Variants in STAB2 observed in about 807,000 individuals in gnomAD.
STAB2 encodes the protein stabilin 2.
In STAB2, 288 loss-of-function variants were observed where a neutral mutation model predicts 338.1. The ratio of observed to expected loss-of-function variants is 0.85; its 90% confidence interval spans 0.77 to 0.94. STAB2 has a LOEUF of 0.94. Among genes scored for constraint, STAB2 ranks in the 40% least tolerant of loss-of-function variants. The probability of loss-of-function intolerance (pLI) is 0.00; values close to 1 mark genes in which losing one functional copy is unlikely to be tolerated. For missense variants in STAB2, 3,141 were observed against 3,210.1 expected (o/e 0.98, Z 0.52); for synonymous variants, 1,202 against 1,193.3 (o/e 1.01, Z -0.15).
At chr12:103,609,343 C>T (rs1471157525) in intron 3 of STAB2, among the ~76,000 whole-genome samples, 8 of 151,988 alleles carry the variant, frequency 5.3e-5, no homozygotes, top group East Asian at 3.9e-4. Context: ...TCCATTTGTT[C>T]GTATCCTCTT....
At position 103,744,219 on chromosome 12, in the gene STAB2, C is replaced by T. The variant is rs143450690; in HGVS notation, c.6032-954C>T. 7.6e-3 allele frequency among the ~76,000 whole-genome samples: 1,161 copies of T among 152,174 alleles called. 14 individuals carry two copies. Among genetic ancestry groups the T allele is most frequent in the African/African-American group, 0.027 (1,113 of 41,512 alleles). Reference sequence around the variant, plus strand: ...AATACAGTGGCGGGATTATGGCTCACTGCAGCCTCAACCTCCTGGGCTCAA... The same window carrying T: ...AATACAGTGGCGGGATTATGGCTCATTGCAGCCTCAACCTCCTGGGCTCAA... On this transcript the variant is annotated intron_variant, in intron 56 of 68. Transcript: ENST00000388887.
chr12:103,677,743 G>C, intron 25 of STAB2, 132 bp downstream of exon 25: 1 of 1,139,802 alleles, frequency 8.8e-7, no homozygotes, highest in Non-Finnish European at 1.2e-6. Context: ...AGTGAACATG[G>C]GTTCATTGCC....
Position 103,742,151 on chromosome 12 carries a change from T to C in STAB2, c.5882-254T>C, listed in dbSNP as rs144276544. 3.6e-3 allele frequency among the ~76,000 whole-genome samples: 544 copies of C among 152,292 alleles called. 4 individuals carry two copies. Among genetic ancestry groups the C allele is most frequent in the African/African-American group, 0.013 (522 of 41,548 alleles). The stretch of plus-strand genomic sequence containing the variant: ...GAGCAAGTTCATTACTCAACCCAGA[T>C]ATCCTCAAATCCAGTGCACAAACCC... On this transcript the variant is annotated intron_variant, in intron 55 of 68. Coordinates refer to ENST00000388887, the MANE Select transcript of STAB2 (RefSeq NM_017564.10).
intron 16 of STAB2, 96 bp downstream of exon 16, chr12:103,660,480 T>C (rs1255935857): frequency 2.1e-6 from 3 of 1,454,396 alleles, no homozygotes; most frequent in African/African-American, 1.4e-5. Context: ...AAATGTCCTT[T>C]ATCTGTAGCT....
chr12:103,595,118 T>C (rs11836449), intron 3 of STAB2, among the ~76,000 whole-genome samples: 10,516 of 152,262 alleles, frequency 0.069, 387 homozygotes, highest in Non-Finnish European at 0.081. Flanking sequence ...CAATCAAGCA[T>C]AGCATTTGAT....
At position 103,728,699 on chromosome 12, in the gene STAB2, C is replaced by T. The variant is rs549456796; in HGVS notation, c.4936-150C>T. On this transcript the variant is annotated intron_variant, in intron 47 of 68. Transcript: ENST00000388887. Reference sequence around the variant, plus strand: ...TCCTCCCTTTTGTCTGAACAGCCTCCACTCTATAATCCTGACCACAAAGCT... The same window carrying T: ...TCCTCCCTTTTGTCTGAACAGCCTCTACTCTATAATCCTGACCACAAAGCT... The T allele has an allele frequency of 6.9e-5, 64 of 922,288 alleles. No homozygotes were observed. The African/African-American group carries it at 1.0e-3, about 15-fold the overall frequency. The allele number at this position is 922,288 out of a possible 1,614,324, so 57.1% of individuals were successfully genotyped here.
chr12:103,619,100 T>C (rs1455050935), intron 3 of STAB2, among the ~76,000 whole-genome samples: 2 of 152,250 alleles, frequency 1.3e-5, no homozygotes, highest in Non-Finnish European at 2.9e-5. Context: ...TAAATCTCTT[T>C]CCTTTTTAAA....
intron 55 of STAB2, among the ~76,000 whole-genome samples, 153 bp from the exon 56 acceptor site, chr12:103,742,252 A>C (rs963557055): frequency 6.6e-6 from 1 of 152,206 alleles, no homozygotes; most frequent in Non-Finnish European, 1.5e-5. Context: ...TTCATGTCCC[A>C]TAGGCCAGTG....
At chr12:103,651,913 C>A (rs1189083547) in intron 11 of STAB2, among the ~76,000 whole-genome samples, 1 of 152,208 alleles carries the variant, frequency 6.6e-6, no homozygotes, top group East Asian at 1.9e-4. Context: ...ATATTCATCT[C>A]TCTATTGTTC....
At chr12:103,713,018 G>A (rs1045511485) in intron 41 of STAB2, among the ~76,000 whole-genome samples, 3 of 152,108 alleles carry the variant, frequency 2.0e-5, no homozygotes, top group Non-Finnish European at 2.9e-5. Context: ...GAAAACTCAG[G>A]TCAACTTAGA....
intron 47 of STAB2, 149 bp from the exon 48 acceptor site, chr12:103,728,700 A>T: frequency 2.1e-6 from 2 of 939,256 alleles, no homozygotes; most frequent in Non-Finnish European, 3.2e-6. Flanking sequence ...AACAGCCTCC[A>T]CTCTATAATC....
chr12:103,663,478 G>A (rs1256182713), intron 18 of STAB2, among the ~76,000 whole-genome samples: 1 of 152,088 alleles, frequency 6.6e-6, no homozygotes, highest in Non-Finnish European at 1.5e-5. Context: ...GTCTGGAAAT[G>A]ACAGGTGCAC....
chr12:103,627,022 G>T (rs918278037), intron 5 of STAB2, among the ~76,000 whole-genome samples: 3 of 152,226 alleles, frequency 2.0e-5, no homozygotes, highest in African/African-American at 7.2e-5. Flanking sequence ...GGCACCTGCT[G>T]TGTGTCAGAC....
intron 35 of STAB2, 102 bp from the exon 36 acceptor site, chr12:103,704,456 G>T: frequency 8.7e-7 from 1 of 1,151,200 alleles, no homozygotes; most frequent in African/African-American, 1.5e-5. Context: ...CAGATAATCT[G>T]CCTTGATTTT....
intron 18 of STAB2, among the ~76,000 whole-genome samples, chr12:103,663,888 G>C (rs555388313): frequency 1.3e-5 from 2 of 152,310 alleles, no homozygotes; most frequent in South Asian, 4.2e-4. Flanking sequence ...TCAGTCTCCT[G>C]CCTCTTCCTT....
At position 103,692,877 on chromosome 12, in the gene STAB2, C is replaced by T; in HGVS notation, c.3363C>T (p.His1121=). ...ACGCAGCCACAAATGGAGTGATACACATCATCAACAAGGTACAAGATTCCA... is the reference window on the plus strand; with the variant it reads ...ACGCAGCCACAAATGGAGTGATACATATCATCAACAAGGTACAAGATTCCA... ...GDNAATNGVI[H]IINKVLVPQR... Residue 1121 remains histidine, a synonymous_variant, in exon 31 of 69, where the codon CAC becomes CAT. Coordinates refer to ENST00000388887, the MANE Select transcript of STAB2 (RefSeq NM_017564.10). The T allele has an allele frequency of 4.3e-6, 7 of 1,613,060 alleles. No homozygotes were observed. The highest frequency in any genetic ancestry group is 5.9e-6 in the Non-Finnish European group (7 of 1,179,166).
intron 3 of STAB2, among the ~76,000 whole-genome samples, chr12:103,619,581 T>G (rs1403641768): frequency 1.3e-5 from 2 of 152,148 alleles, no homozygotes; most frequent in African/African-American, 4.8e-5. Flanking sequence ...GTGAATGTCC[T>G]CTAATAAATG....
At chr12:103,688,355 C>A in intron 28 of STAB2, 140 bp downstream of exon 28, 1 of 803,208 alleles carries the variant, frequency 1.2e-6, no homozygotes, top group Non-Finnish European at 2.1e-6. Context: ...GCTGGCTGCA[C>A]TGTGGAACCA....
At chr12:103,603,282 G>A (rs966541656) in intron 3 of STAB2, among the ~76,000 whole-genome samples, 9 of 152,154 alleles carry the variant, frequency 5.9e-5, no homozygotes, top group African/African-American at 1.9e-4. Flanking sequence ...ATGTTAGCCA[G>A]GATGGTCTCG....
Sources: allele counts gnomAD v4.1 joint callset (sites outside exome capture counted in the v4.1 genomes callset), GRCh38; gene constraint gnomAD v4.1.1; transcripts MANE v1.5; gene names NCBI Gene and HGNC (gene_info 2026-07-23, HGNC 2026-07-21).